The following SMAD3 variants were observed in gnomAD, a reference collection of about 807,000 sequenced individuals.
SMAD3 encodes MAD homolog 3.
A neutral mutation model predicts 51.8 loss-of-function variants in SMAD3; 12 were observed. The ratio of observed to expected loss-of-function variants is 0.23; its 90% CI spans 0.15 to 0.38. The LOEUF (loss-of-function observed/expected upper bound fraction) is 0.38. Among genes scored for constraint, SMAD3 ranks in the 10% least tolerant of loss-of-function variants. SMAD3 has a pLI of 1.00. For missense variants in SMAD3, 294 were observed against 565.6 expected, an observed-to-expected ratio of 0.52 and a Z score of 4.87; for synonymous variants, 238 against 227.7, an observed-to-expected ratio of 1.05 and a Z score of -0.41.
intron 6 of SMAD3, among the ~76,000 whole-genome samples, chr15:67,183,387 G>T (rs1289785869): frequency 6.6e-6 from 1 of 150,694 alleles, no homozygotes; most frequent in Non-Finnish European, 1.5e-5. Flanking sequence ...TTTTGGTCTG[G>T]GTCTTCGCAT....
At chr15:67,130,652 G>T (rs1485841108) in intron 1 of SMAD3, among the ~76,000 whole-genome samples, 1 of 152,212 alleles carries the variant, frequency 6.6e-6, no homozygotes, top group Non-Finnish European at 1.5e-5. Context: ...CAGAGAAAGA[G>T]AATTTGCACG....
chr15:67,178,549 G>A (rs763951152), intron 5 of SMAD3, among the ~76,000 whole-genome samples: 3 of 152,208 alleles, frequency 2.0e-5, no homozygotes, highest in South Asian at 4.1e-4. Context: ...CAAAACTGAG[G>A]TTACAGAAGG....
chr15:67,173,728 G>GCAAAA (rs963340325), intron 5 of SMAD3, among the ~76,000 whole-genome samples: 15 of 152,206 alleles, frequency 9.9e-5, no homozygotes, highest in South Asian at 6.2e-4. Context: ...ATTACTGGAG[G>GCAAAA]CAAAACAAAA....
At chr15:67,181,117 G>A in intron 5 of SMAD3, 124 bp from the exon 6 acceptor site, 1 of 765,130 alleles carries the variant, frequency 1.3e-6, no homozygotes, top group East Asian at 2.7e-5. Context: ...AAGGCATGGG[G>A]TAGGGAGATT....
At chr15:67,135,825 T>G in intron 1 of SMAD3, among the ~76,000 whole-genome samples, 1 of 152,236 alleles carries the variant, frequency 6.6e-6, no homozygotes. Flanking sequence ...TACGGGCAAG[T>G]GGTATTCTAC....
chr15:67,167,530 G>A (rs957266581), intron 4 of SMAD3, among the ~76,000 whole-genome samples: 1 of 152,194 alleles, frequency 6.6e-6, no homozygotes, highest in Non-Finnish European at 1.5e-5. Context: ...GCAGGGTAGA[G>A]AGTGGCCTTG....
chr15:67,119,335 CATG>C (rs1256242403), intron 1 of SMAD3, among the ~76,000 whole-genome samples: 1 of 152,010 alleles, frequency 6.6e-6, no homozygotes, highest in East Asian at 1.9e-4. Flanking sequence ...CAAGGGCAGT[CATG>C]ATGGAGTGTT....
chr15:67,101,949 G>A (rs1960767407), intron 1 of SMAD3, among the ~76,000 whole-genome samples: 1 of 152,232 alleles, frequency 6.6e-6, no homozygotes, highest in Admixed American at 6.5e-5. Context: ...GTTGGGAGTT[G>A]TACTTGACAC....
intron 1 of SMAD3, among the ~76,000 whole-genome samples, chr15:67,106,581 T>C (rs2140229581): frequency 6.6e-6 from 1 of 152,314 alleles, no homozygotes; most frequent in East Asian, 1.9e-4. Context: ...TCTGTCTTCC[T>C]CTTGAGGTCA....
chr15:67,190,408 T>A lies in SMAD3; in HGVS notation c.1155-5T>A. On this transcript the variant is annotated splice_region_variant and splice_polypyrimidine_tract_variant and intron_variant, in intron 8 of 8. Transcript: ENST00000327367. ...CCACCCCACCCCTTTCCCTATTTCT[T>A]ACAGGAGACAGACTGTGACCAGTAC... 1 of 1,613,908 alleles carries A rather than the reference T, an allele frequency of 6.2e-7. No individual in the cohort carries two copies. The highest frequency in any genetic ancestry group is 8.5e-7 in the Non-Finnish European group (1 of 1,179,858).
At chr15:67,130,193 G>A (rs1468497618) in intron 1 of SMAD3, among the ~76,000 whole-genome samples, 1 of 152,196 alleles carries the variant, frequency 6.6e-6, no homozygotes, top group Non-Finnish European at 1.5e-5. Context: ...TTTTACAGAT[G>A]AGGCAACAGA....
chr15:67,136,453 C>T (rs1405022458), intron 1 of SMAD3, among the ~76,000 whole-genome samples: 2 of 152,066 alleles, frequency 1.3e-5, no homozygotes, highest in African/African-American at 4.8e-5. Flanking sequence ...CTTCAGCCTC[C>T]TGAGTAGCTG....
intron 1 of SMAD3, among the ~76,000 whole-genome samples, chr15:67,109,092 T>TA (rs1281895147): frequency 1.3e-5 from 2 of 152,244 alleles, no homozygotes; most frequent in African/African-American, 4.8e-5. Context: ...CGGTGCCTGA[T>TA]AAAGCATGGT....
chr15:67,178,833 C>T (rs898787588), intron 5 of SMAD3, among the ~76,000 whole-genome samples: 14 of 152,182 alleles, frequency 9.2e-5, no homozygotes, highest in Admixed American at 3.9e-4. Context: ...GGGCACAAGC[C>T]GCAGCTGCTC....
At chr15:67,097,781 G>A (rs1403128518) in intron 1 of SMAD3, among the ~76,000 whole-genome samples, 1 of 152,144 alleles carries the variant, frequency 6.6e-6, no homozygotes, top group Non-Finnish European at 1.5e-5. Flanking sequence ...CAATTCCTGT[G>A]GGTGCTAGGA....
chr15:67,186,689 C>T, intron 7 of SMAD3: 1 of 168,864 alleles, frequency 5.9e-6, no homozygotes, highest in Admixed American at 5.9e-5. Context: ...TCTGGAGAAT[C>T]AGATGCACAC....
intron 1 of SMAD3, among the ~76,000 whole-genome samples, chr15:67,148,720 C>A (rs1962044544): frequency 1.3e-5 from 2 of 152,230 alleles, no homozygotes; most frequent in Non-Finnish European, 2.9e-5. Flanking sequence ...TGAGGCTTGA[C>A]TTCTTGATCG....
At chr15:67,095,077 C>A (rs1960587857) in intron 1 of SMAD3, among the ~76,000 whole-genome samples, 1 of 151,838 alleles carries the variant, frequency 6.6e-6, no homozygotes, top group Non-Finnish European at 1.5e-5. Flanking sequence ...TACCACCTTG[C>A]TGTGAGCTGG....
chr15:67,191,163 G>A lies in SMAD3; in HGVS notation c.*627G>A, dbSNP rs1473138170. 4.3e-6 allele frequency: 1 copy of A among 234,252 alleles called. No individual in the cohort carries two copies. Among genetic ancestry groups the A allele is most frequent in the Non-Finnish European group, 8.4e-6 (1 of 118,664 alleles). The allele number at this position is 234,252 out of a possible 1,614,324, so 14.5% of individuals were successfully genotyped here. On this transcript the variant is annotated 3_prime_UTR_variant, in exon 9 of 9. Coordinates refer to ENST00000327367, the MANE Select transcript of SMAD3 (RefSeq NM_005902.4). Reference sequence around the variant, plus strand: ...TCAGAACATACTGATTGGGAGGTGCGTGTTCAGCAGAACCTGCACACAGGA... The same window carrying A: ...TCAGAACATACTGATTGGGAGGTGCATGTTCAGCAGAACCTGCACACAGGA...
Sources: allele counts gnomAD v4.1 joint callset (sites outside exome capture counted in the v4.1 genomes callset), GRCh38; gene constraint gnomAD v4.1.1; transcripts MANE v1.5; gene names NCBI Gene and HGNC (gene_info 2026-07-23, HGNC 2026-07-21).